Variants in SLC49A4 observed in about 807,000 individuals in gnomAD.
The protein encoded by SLC49A4 is solute carrier family 49 member 4.
Under a neutral mutation model 50.6 loss-of-function variants are expected in SLC49A4, and 36 were observed. That is an observed-to-expected ratio of 0.71 (90% CI 0.55 to 0.94). SLC49A4 has a LOEUF of 0.94. Ranked by LOEUF, SLC49A4 falls within the 40% of genes least tolerant of loss-of-function variation. The probability of loss-of-function intolerance (pLI) is 0.00; values close to 1 mark genes in which losing one functional copy is unlikely to be tolerated. For missense variants in SLC49A4, 503 were observed against 605.7 expected, an observed-to-expected ratio of 0.83 and a Z score of 1.78; for synonymous variants, 248 against 241.2, an observed-to-expected ratio of 1.03 and a Z score of -0.26.
intron 2 of SLC49A4, among the ~76,000 whole-genome samples, chr3:122,818,158 A>G (rs1052837019): frequency 1.3e-5 from 2 of 152,206 alleles, no homozygotes; most frequent in Non-Finnish European, 2.9e-5. Flanking sequence ...CATTAGGAAA[A>G]TGGTTAAATG....
chr3:122,859,103 A>T (rs1237687204), intron 6 of SLC49A4, among the ~76,000 whole-genome samples: 3 of 152,208 alleles, frequency 2.0e-5, no homozygotes, highest in Non-Finnish European at 2.9e-5. Context: ...TGAAGAAATA[A>T]AATAGAAAGT....
intron 4 of SLC49A4, among the ~76,000 whole-genome samples, chr3:122,836,183 T>A (rs1266913660): frequency 2.0e-5 from 3 of 152,216 alleles, no homozygotes; most frequent in Non-Finnish European, 2.9e-5. Context: ...AATACCTAAT[T>A]TATTGAGAGT....
At chr3:122,870,367 T>G (rs1431818157) in intron 7 of SLC49A4, among the ~76,000 whole-genome samples, 1 of 151,278 alleles carries the variant, frequency 6.6e-6, no homozygotes, top group Non-Finnish European at 1.5e-5. Context: ...AAAAAAAAAC[T>G]TTATTATTAT....
intron 5 of SLC49A4, among the ~76,000 whole-genome samples, chr3:122,846,572 T>C (rs1936856026): frequency 6.6e-6 from 1 of 152,240 alleles, no homozygotes; most frequent in African/African-American, 2.4e-5. Context: ...ATGGAACTGC[T>C]GCGTATAGTA....
chr3:122,796,537 G>A lies in SLC49A4; in HGVS notation c.343+1002G>A, dbSNP rs907378684. Among the ~76,000 whole-genome samples, 9 of 152,228 alleles carry A rather than the reference G, an allele frequency of 5.9e-5. No individual in the cohort carries two copies. In the South Asian group the frequency reaches 6.2e-4, roughly 11 times the overall value. On this transcript the variant is annotated intron_variant, in intron 1 of 8. Transcript: ENST00000261038. ...GAAGGCTCAGGCAGAATCGGTGTCG[G>A]GTGAGGGCCTGCTTCCTACACAGTG... is the stretch of plus-strand genomic sequence containing the variant.
chr3:122,814,859 G>A (rs749567694), intron 2 of SLC49A4, among the ~76,000 whole-genome samples: 7 of 151,892 alleles, frequency 4.6e-5, no homozygotes, highest in Admixed American at 2.0e-4. Flanking sequence ...GGCCCAAGAC[G>A]GTTCTTCTTC....
At chr3:122,863,262 C>T (rs1053946613) in intron 7 of SLC49A4, among the ~76,000 whole-genome samples, 6 of 152,148 alleles carry the variant, frequency 3.9e-5, no homozygotes, top group African/African-American at 1.4e-4. Flanking sequence ...TTAATAGTTA[C>T]TTAGGTATAT....
intron 2 of SLC49A4, among the ~76,000 whole-genome samples, chr3:122,807,531 G>A (rs979838424): frequency 1.3e-5 from 2 of 152,102 alleles, no homozygotes; most frequent in African/African-American, 2.4e-5. Flanking sequence ...CTTAGGGAGT[G>A]TAAGGTATAC....
At chr3:122,866,330 C>T (rs1425444372) in intron 7 of SLC49A4, among the ~76,000 whole-genome samples, 1 of 152,048 alleles carries the variant, frequency 6.6e-6, no homozygotes, top group Admixed American at 6.6e-5. Context: ...ATGTGAGCCC[C>T]ATGCCTGGCA....
chr3:122,823,911 A>T (rs1936486374), intron 2 of SLC49A4, among the ~76,000 whole-genome samples: 1 of 152,210 alleles, frequency 6.6e-6, no homozygotes, highest in Non-Finnish European at 1.5e-5. Context: ...CTGTAACATC[A>T]CAGTCCCCAG....
chr3:122,836,200 A>G (rs999996369), intron 4 of SLC49A4, among the ~76,000 whole-genome samples: 3 of 152,150 alleles, frequency 2.0e-5, no homozygotes, highest in African/African-American at 7.2e-5. Context: ...GAGTTTTAGC[A>G]TGAAGGGTTG....
At chr3:122,813,132 C>G (rs370700946) in intron 2 of SLC49A4, among the ~76,000 whole-genome samples, 5 of 152,022 alleles carry the variant, frequency 3.3e-5, no homozygotes, top group African/African-American at 9.6e-5. Flanking sequence ...TGCCTGTAAT[C>G]CCAGCTACTC....
At chr3:122,800,604 G>A (rs1179923948) in intron 1 of SLC49A4, among the ~76,000 whole-genome samples, 1 of 152,184 alleles carries the variant, frequency 6.6e-6, no homozygotes, top group Non-Finnish European at 1.5e-5. Flanking sequence ...CGGAGGGAAA[G>A]GGAGGAACTG....
At chr3:122,838,274 A>C (rs938980521) in intron 4 of SLC49A4, among the ~76,000 whole-genome samples, 7 of 152,110 alleles carry the variant, frequency 4.6e-5, no homozygotes, top group Non-Finnish European at 1.0e-4. Flanking sequence ...TATGGTGGCA[A>C]TATTCACAAT....
At chr3:122,828,407 G>A (rs1049252177) in intron 3 of SLC49A4, among the ~76,000 whole-genome samples, 3 of 152,156 alleles carry the variant, frequency 2.0e-5, no homozygotes, top group East Asian at 3.9e-4. Flanking sequence ...ATGAGAGAAC[G>A]ATGGTTAAAT....
chr3:122,806,759 C>T, intron 1 of SLC49A4, 98 bp from the exon 2 acceptor site: 1 of 710,570 alleles, frequency 1.4e-6, no homozygotes, highest in Admixed American at 2.4e-5. Flanking sequence ...ATAATATTAG[C>T]ATATAATGTC....
chr3:122,815,396 G>A (rs1470494772), intron 2 of SLC49A4, among the ~76,000 whole-genome samples: 1 of 152,094 alleles, frequency 6.6e-6, no homozygotes, highest in African/African-American at 2.4e-5. Context: ...GCCTGTTTGT[G>A]TCATTTCTAG....
At chr3:122,838,678 C>T (rs1386507020) in intron 4 of SLC49A4, among the ~76,000 whole-genome samples, 1 of 151,708 alleles carries the variant, frequency 6.6e-6, no homozygotes, top group Non-Finnish European at 1.5e-5. Context: ...GCAGATTGTG[C>T]ACATGTACCC....
At chr3:122,817,187 G>A (rs975188867) in intron 2 of SLC49A4, among the ~76,000 whole-genome samples, 1 of 152,126 alleles carries the variant, frequency 6.6e-6, no homozygotes, top group African/African-American at 2.4e-5. Flanking sequence ...TGAAAATAAA[G>A]GAAAATCATA....
Sources: gnomAD v4.1 joint callset for allele counts (sites outside exome capture counted in the v4.1 genomes callset) on GRCh38, gnomAD v4.1.1 for gene constraint, MANE v1.5 for transcripts, NCBI Gene and HGNC (gene_info 2026-07-23, HGNC 2026-07-21) for gene names.